The following VWC2 variants were observed in gnomAD, a reference collection of about 807,000 sequenced individuals.
VWC2 encodes brorin.
Under a neutral mutation model 29.8 loss-of-function variants are expected in VWC2, and 14 were observed. The ratio of observed to expected loss-of-function variants is 0.47; its 90% CI spans 0.31 to 0.74. The LOEUF is 0.74. VWC2 is among the 30% of genes least tolerant of loss of function. The pLI is 0.05. For synonymous variants in VWC2, 213 were observed against 199.0 expected (o/e 1.07, Z -0.59); for missense variants, 457 against 459.8 (o/e 0.99, Z 0.05).
chr7:49,790,915 G>T (rs1279205316), intron 2 of VWC2, among the ~76,000 whole-genome samples: 1 of 152,052 alleles, frequency 6.6e-6, no homozygotes, highest in African/African-American at 2.4e-5. Flanking sequence ...GTGGTGAGGA[G>T]GGCTGACAGG....
chr7:49,787,666 A>G (rs918401405), intron 2 of VWC2, among the ~76,000 whole-genome samples: 4 of 152,200 alleles, frequency 2.6e-5, no homozygotes, highest in Non-Finnish European at 5.9e-5. Flanking sequence ...TGCGTCACAC[A>G]CACAAATGTC....
At chr7:49,878,751 G>C (rs1033793520) in intron 3 of VWC2, among the ~76,000 whole-genome samples, 1 of 152,078 alleles carries the variant, frequency 6.6e-6, no homozygotes, top group African/African-American at 2.4e-5. Context: ...CTGTACTGCT[G>C]ATATTTTAAT....
intron 3 of VWC2, among the ~76,000 whole-genome samples, chr7:49,864,681 G>T (rs769320555): frequency 7.9e-5 from 12 of 152,202 alleles, no homozygotes; most frequent in Admixed American, 3.3e-4. Context: ...TGCATCTTCT[G>T]TTGGTCTTTC....
At chr7:49,854,717 A>G (rs931083367) in intron 3 of VWC2, among the ~76,000 whole-genome samples, 1 of 152,184 alleles carries the variant, frequency 6.6e-6, no homozygotes, top group African/African-American at 2.4e-5. Context: ...CTTTAGTTTA[A>G]TTAGATCCCA....
At chr7:49,904,797 G>A (rs563860165) in intron 3 of VWC2, among the ~76,000 whole-genome samples, 75 of 148,728 alleles carry the variant, frequency 5.0e-4, no homozygotes, top group African/African-American at 1.5e-3. Context: ...GTGCAGTGGC[G>A]CGATCTCGGC....
chr7:49,887,846 G>T (rs999527796), intron 3 of VWC2, among the ~76,000 whole-genome samples: 1 of 152,204 alleles, frequency 6.6e-6, no homozygotes, highest in Non-Finnish European at 1.5e-5. Context: ...ATTCACAAAT[G>T]TTCTAGCCTA....
chr7:49,905,886 T>G (rs1793059960), intron 3 of VWC2, among the ~76,000 whole-genome samples: 1 of 152,144 alleles, frequency 6.6e-6, no homozygotes, highest in South Asian at 2.1e-4. Context: ...TGACCTCTAG[T>G]CATCCTCACT....
chr7:49,838,170 G>A (rs1583661773), intron 3 of VWC2, among the ~76,000 whole-genome samples: 1 of 152,194 alleles, frequency 6.6e-6, no homozygotes, highest in East Asian at 1.9e-4. Context: ...ATGCCAGCCT[G>A]TGTGAATTAG....
At chr7:49,852,741 G>C (rs566618243) in intron 3 of VWC2, among the ~76,000 whole-genome samples, 2 of 152,096 alleles carry the variant, frequency 1.3e-5, no homozygotes, top group African/African-American at 4.8e-5. Flanking sequence ...TTAAGTGATC[G>C]TCTTAATCAA....
Position 49,891,613 on chromosome 7 carries a change from T to TA in VWC2, c.827-20412dup, listed in dbSNP as rs200840385. On this transcript the variant is annotated intron_variant, in intron 3 of 3. Coordinates refer to ENST00000340652, the MANE Select transcript of VWC2 (RefSeq NM_198570.5). ...CGCCAGGGTCGATAAAATATAACAA[T>TA]AAAAAAAAACAGCAATAATACCAAC... Among the ~76,000 whole-genome samples the TA allele has an allele frequency of 2.0e-3, 307 of 151,080 alleles. 3 individuals carry two copies. The highest frequency in any genetic ancestry group is 6.5e-3 in the African/African-American group (266 of 41,216).
intron 3 of VWC2, among the ~76,000 whole-genome samples, chr7:49,815,633 G>C (rs1479024289): frequency 6.6e-6 from 1 of 152,030 alleles, no homozygotes; most frequent in East Asian, 1.9e-4. Context: ...AATTTAAATG[G>C]TTCTTAATAA....
intron 3 of VWC2, among the ~76,000 whole-genome samples, chr7:49,810,791 T>C (rs1788991057): frequency 6.6e-6 from 1 of 152,180 alleles, no homozygotes; most frequent in Admixed American, 6.6e-5. Flanking sequence ...TTTCAACAAA[T>C]GGTGCAGGGA....
Position 49,914,935 on chromosome 7 carries a change from G to A in VWC2, c.*2750G>A, listed in dbSNP as rs1237200430. On this transcript the variant is annotated 3_prime_UTR_variant, in exon 4 of 4. Coordinates refer to ENST00000340652, the MANE Select transcript of VWC2 (RefSeq NM_198570.5). Reference sequence around the variant, plus strand: ...CCTGCTCTATAAGTACCTAATAATTGTTAAATGATTTGTTCAAGTTAATAA... The same window carrying A: ...CCTGCTCTATAAGTACCTAATAATTATTAAATGATTTGTTCAAGTTAATAA... 1 of 152,126 alleles carries A rather than the reference G, an allele frequency of 6.6e-6. No individual in the cohort carries two copies. Among genetic ancestry groups the A allele is most frequent in the East Asian group, 1.9e-4 (1 of 5,196 alleles). The allele number at this position is 152,126 out of a possible 1,614,324, so 9.4% of individuals were successfully genotyped here.
At chr7:49,774,915 C>T (rs1389528091) in intron 1 of VWC2, among the ~76,000 whole-genome samples, 3 of 152,236 alleles carry the variant, frequency 2.0e-5, no homozygotes, top group Admixed American at 1.3e-4. Flanking sequence ...TCGTCCGTCT[C>T]TAACTCCACT....
At chr7:49,792,253 T>C (rs1234958387) in intron 2 of VWC2, among the ~76,000 whole-genome samples, 1 of 152,160 alleles carries the variant, frequency 6.6e-6, no homozygotes, top group Non-Finnish European at 1.5e-5. Context: ...CATGAGCCAC[T>C]CACCGCTGTA....
chr7:49,792,258 G>A (rs903564325), intron 2 of VWC2, among the ~76,000 whole-genome samples: 4 of 152,170 alleles, frequency 2.6e-5, no homozygotes, highest in Non-Finnish European at 4.4e-5. Flanking sequence ...GCCACTCACC[G>A]CTGTAAGCAC....
rs183253846 is a variant in VWC2, at chr7:49,882,245, T to C, written c.827-29789T>C. ...GTTTACATGGAAGTTGTCCAGAGTT[T>C]TCAATTAGGAGGAGGAAGAGAGATT... On this transcript the variant is annotated intron_variant, in intron 3 of 3. Coordinates refer to ENST00000340652, the MANE Select transcript of VWC2 (RefSeq NM_198570.5). 2.5e-3 allele frequency among the ~76,000 whole-genome samples: 374 copies of C among 152,224 alleles called. 3 individuals carry two copies. Among genetic ancestry groups the C allele is most frequent in the African/African-American group, 8.7e-3 (360 of 41,544 alleles).
chr7:49,810,802 C>A (rs1282353218), intron 3 of VWC2, among the ~76,000 whole-genome samples: 1 of 152,074 alleles, frequency 6.6e-6, no homozygotes, highest in African/African-American at 2.4e-5. Flanking sequence ...GGTGCAGGGA[C>A]AATTATATAT....
chr7:49,791,765 C>T (rs972163570), intron 2 of VWC2, among the ~76,000 whole-genome samples: 1 of 152,192 alleles, frequency 6.6e-6, no homozygotes, highest in African/African-American at 2.4e-5. Context: ...GAAGATGCTT[C>T]GCCTTCCTTT....
Sources: gnomAD v4.1 joint callset for allele counts (sites outside exome capture counted in the v4.1 genomes callset) on GRCh38, gnomAD v4.1.1 for gene constraint, MANE v1.5 for transcripts, NCBI Gene and HGNC (gene_info 2026-07-23, HGNC 2026-07-21) for gene names.